CERS3: variants seen among roughly 807,000 people sequenced by gnomAD.
The protein encoded by CERS3 is ceramide synthase 3.
In CERS3, 33 loss-of-function variants were observed where a neutral mutation model predicts 50.3. The observed-to-expected ratio is 0.66, with a 90% confidence interval of 0.50 to 0.88. The LOEUF (loss-of-function observed/expected upper bound fraction) is 0.88, where lower values mean the gene tolerates loss of function less well. Ranked by LOEUF, CERS3 falls within the 40% of genes least tolerant of loss-of-function variation. CERS3 has a pLI of 0.00. For synonymous variants in CERS3, 176 were observed against 155.2 expected (o/e 1.13, Z -0.99); for missense variants, 470 against 460.3 (o/e 1.02, Z -0.19).
At chr15:100,522,641 A>C (rs1487905441) in intron 1 of CERS3, among the ~76,000 whole-genome samples, 2 of 152,070 alleles carry the variant, frequency 1.3e-5, no homozygotes, top group Non-Finnish European at 2.9e-5. Context: ...ACAGTAGCAA[A>C]CTCATTTTCG....
intron 3 of CERS3, 95 bp downstream of exon 3, chr15:100,501,582 A>C: frequency 9.1e-7 from 1 of 1,099,670 alleles, no homozygotes; most frequent in Non-Finnish European, 1.3e-6. Context: ...TCTGAACAAC[A>C]GATTCTTTAA....
rs568564529 is a variant in CERS3, at chr15:100,469,316, C to T, written c.845+62G>A. ...GGAAAGGGCAATGCCCTGAGGGTAACCATGCACTGAGGCCACCTCTGCACA... is the reference window on the plus strand; with the variant it reads ...GGAAAGGGCAATGCCCTGAGGGTAATCATGCACTGAGGCCACCTCTGCACA... On this transcript the variant is annotated intron_variant, in intron 10 of 11. Transcript: ENST00000679737. 46 of 1,232,866 alleles carry T rather than the reference C, an allele frequency of 3.7e-5. No individual in the cohort carries two copies. In the African/African-American group the frequency reaches 5.9e-4, roughly 16 times the overall value. The allele number at this position is 1,232,866 out of a possible 1,614,324, so 76.4% of individuals were successfully genotyped here. A position where few individuals can be genotyped will look rare whatever the true frequency, so the allele number is the denominator to read the frequency against.
At chr15:100,415,066 A>C (rs1189198943) in intron 11 of CERS3, among the ~76,000 whole-genome samples, 1 of 152,212 alleles carries the variant, frequency 6.6e-6, no homozygotes, top group Non-Finnish European at 1.5e-5. Flanking sequence ...CAGAACCTAC[A>C]ATGAACTTAA....
In CERS3 at chr15:100,484,612, T is replaced by C; in HGVS notation, c.345A>G (p.Arg115=). 1 of 1,614,176 alleles carries C rather than the reference T, an allele frequency of 6.2e-7. No homozygotes were observed. The highest frequency in any genetic ancestry group is 8.5e-7 in the Non-Finnish European group (1 of 1,180,020). The part of the protein sequence containing the change: ...KCNLTERQVE[R]WFRSRRNQER... ...CTTGATTCCGCCGACTCCTAAACCATCTTTCCACCTGGCGCTCCGTCAAGT... is the reference window on the plus strand; with the variant it reads ...CTTGATTCCGCCGACTCCTAAACCACCTTTCCACCTGGCGCTCCGTCAAGT... The change falls in exon 5 of 12, where the codon AGA becomes AGG. Residue 115 remains arginine, a synonymous_variant. Coordinates refer to ENST00000679737, the MANE Select transcript of CERS3 (RefSeq NM_001378789.1).
chr15:100,430,419 A>G (rs1162113745), intron 11 of CERS3, among the ~76,000 whole-genome samples: 1 of 152,248 alleles, frequency 6.6e-6, no homozygotes, highest in Non-Finnish European at 1.5e-5. Flanking sequence ...CATTTGAACT[A>G]AATGAACAAT....
chr15:100,431,509 T>C (rs1457630010), intron 11 of CERS3, among the ~76,000 whole-genome samples: 5 of 152,226 alleles, frequency 3.3e-5, no homozygotes, highest in Non-Finnish European at 7.3e-5. Flanking sequence ...AATTTTGTAA[T>C]ATTTTCAAGA....
chr15:100,483,214 C>T (rs1409615190), intron 5 of CERS3, among the ~76,000 whole-genome samples: 2 of 152,190 alleles, frequency 1.3e-5, no homozygotes, highest in South Asian at 2.1e-4. Flanking sequence ...TAAATTCCCA[C>T]GACACATCTA....
intron 8 of CERS3, among the ~76,000 whole-genome samples, chr15:100,473,589 C>T (rs1377633588): frequency 1.3e-5 from 2 of 152,106 alleles, no homozygotes; most frequent in Admixed American, 1.3e-4. Flanking sequence ...AAACCAAAAC[C>T]ACAATGAGAT....
At chr15:100,526,959 T>C (rs2036813872) in intron 1 of CERS3, among the ~76,000 whole-genome samples, 1 of 152,156 alleles carries the variant, frequency 6.6e-6, no homozygotes, top group Non-Finnish European at 1.5e-5. Flanking sequence ...TTGATGGATG[T>C]TATAATAATT....
chr15:100,522,921 G>A lies in CERS3; in HGVS notation c.-91-1165C>T, dbSNP rs372697891. On this transcript the variant is annotated intron_variant, in intron 1 of 11. Coordinates refer to ENST00000679737, the MANE Select transcript of CERS3 (RefSeq NM_001378789.1). ...TATTGCTGAACAGTTTTTCAAAGCT[G>A]TTGTGACTATTTACACTCCTCCCAG... Among the ~76,000 whole-genome samples, 5 of 152,338 alleles carry A rather than the reference G, an allele frequency of 3.3e-5. 1 individual carries two copies. Among genetic ancestry groups the A allele is most frequent in the African/African-American group, 1.2e-4 (5 of 41,584 alleles).
chr15:100,490,971 A>G, intron 3 of CERS3, 40 bp from the exon 4 acceptor site: 1 of 1,203,052 alleles, frequency 8.3e-7, no homozygotes, highest in Non-Finnish European at 1.2e-6. Context: ...AAAATCTAAG[A>G]ATAAATCCAC....
At chr15:100,543,289 C>T (rs576677334) in intron 1 of CERS3, among the ~76,000 whole-genome samples, 83 of 152,286 alleles carry the variant, frequency 5.5e-4, no homozygotes, top group African/African-American at 1.9e-3. Flanking sequence ...TTGGTTAATG[C>T]ATGACGATGC....
rs1596651198 is a variant in CERS3 at position 100,433,226 on chromosome 15, A to G, written c.999+22667T>C. Among the ~76,000 whole-genome samples, 4 of 143,180 alleles carry G rather than the reference A, an allele frequency of 2.8e-5. No homozygotes were observed. In the Admixed American group the frequency reaches 2.8e-4, roughly 10 times the overall value. The allele number at this position is 143,180 out of a possible 152,430, so 93.9% of individuals were successfully genotyped here. The stretch of plus-strand genomic sequence containing the variant: ...ACTCTGGCCTGGGCAATAGAGCAAG[A>G]CTCTGTCTCAAAAAAAAAAAAAAAA... On this transcript the variant is annotated intron_variant, in intron 11 of 11. Transcript: ENST00000679737.
intron 11 of CERS3, among the ~76,000 whole-genome samples, chr15:100,436,906 A>G (rs1411634016): frequency 6.6e-6 from 1 of 151,298 alleles, no homozygotes; most frequent in African/African-American, 2.4e-5. Context: ...GGTAATCATG[A>G]TGATCCTATA....
intron 10 of CERS3, among the ~76,000 whole-genome samples, chr15:100,468,844 A>G (rs1427192033): frequency 1.3e-5 from 2 of 152,234 alleles, no homozygotes; most frequent in African/African-American, 2.4e-5. Context: ...TACTCAAACC[A>G]TAATTAGAAC....
rs192329966 is a variant in CERS3, at chr15:100,509,809, T to C, written c.-1-7959A>G. On this transcript the variant is annotated intron_variant, in intron 2 of 11. Transcript: ENST00000679737. The stretch of plus-strand genomic sequence containing the variant: ...AGACACCAAATGAATATTTATTGAA[T>C]GAATGGATGTAAAGCTTACTGGGGC... Among the ~76,000 whole-genome samples, 3 of 152,216 alleles carry C rather than the reference T, an allele frequency of 2.0e-5. 1 individual carries two copies. Among genetic ancestry groups the C allele is most frequent in the Admixed American group, 2.0e-4 (3 of 15,294 alleles).
intron 2 of CERS3, among the ~76,000 whole-genome samples, chr15:100,513,540 C>CTT (rs11428048): frequency 0.44 from 63,844 of 143,578 alleles, 14,580 homozygotes; most frequent in Middle Eastern, 0.49. Flanking sequence ...GTTTTCTTTT[C>CTT]TTTTTTTTTT....
intron 5 of CERS3, among the ~76,000 whole-genome samples, chr15:100,481,917 C>T (rs1230415937): frequency 6.6e-6 from 1 of 152,228 alleles, no homozygotes; most frequent in East Asian, 1.9e-4. Flanking sequence ...CATTCTCTCA[C>T]AAGCGAGGTC....
intron 1 of CERS3, among the ~76,000 whole-genome samples, chr15:100,528,332 C>A (rs770705726): frequency 1.5e-3 from 234 of 152,288 alleles, no homozygotes; most frequent in Non-Finnish European, 2.9e-3. Context: ...CAGCTTAAGG[C>A]ACTCTGGGAT....
Sources: gnomAD v4.1 joint callset for allele counts (sites outside exome capture counted in the v4.1 genomes callset) on GRCh38, gnomAD v4.1.1 for gene constraint, MANE v1.5 for transcripts, NCBI Gene and HGNC (gene_info 2026-07-23, HGNC 2026-07-21) for gene names.